The following SMU1 variants were observed in gnomAD, a reference collection of about 807,000 sequenced individuals.
SMU1 encodes SMU1 DNA replication regulator and spliceosomal factor.
SMU1 carries 2 observed loss-of-function variants against 62.0 expected under a neutral mutation model. The observed-to-expected ratio is 0.03, with a 90% CI of 0.01 to 0.10. The LOEUF is 0.10. Among genes scored for constraint, SMU1 ranks in the 10% least tolerant of loss-of-function variants. The pLI is 1.00. For missense variants in SMU1, 227 were observed against 622.1 expected, an observed-to-expected ratio of 0.36 and a Z score of 6.76; for synonymous variants, 188 against 212.4, an observed-to-expected ratio of 0.89 and a Z score of 1.00.
At chr9:33,064,274 A>G (rs891305373) in intron 4 of SMU1, among the ~76,000 whole-genome samples, 6 of 151,938 alleles carry the variant, frequency 3.9e-5, no homozygotes, top group Non-Finnish European at 1.5e-5. Flanking sequence ...GTTTCTTTTC[A>G]TCTTAAGTTC....
chr9:33,060,341 A>T, intron 6 of SMU1, 124 bp downstream of exon 6: 1 of 860,510 alleles, frequency 1.2e-6, no homozygotes, highest in Non-Finnish European at 1.8e-6. Flanking sequence ...TTTAATTACA[A>T]AAGTAATACA....
At chr9:33,048,728 A>G (rs1203123202) in intron 10 of SMU1, among the ~76,000 whole-genome samples, 2 of 152,206 alleles carry the variant, frequency 1.3e-5, no homozygotes, top group Non-Finnish European at 2.9e-5. Flanking sequence ...AGAGAAACCA[A>G]TCTGAAAAGG....
chr9:33,046,347 C>T lies in SMU1; in HGVS notation c.*946G>A, dbSNP rs1054910638. 12 of 152,216 alleles carry T rather than the reference C, an allele frequency of 7.9e-5. No homozygotes were observed. The highest frequency in any genetic ancestry group is 2.9e-4 in the African/African-American group (12 of 41,516). The allele number at this position is 152,216 out of a possible 1,614,324, so 9.4% of individuals were successfully genotyped here. On this transcript the variant is annotated 3_prime_UTR_variant, in exon 12 of 12. Coordinates refer to ENST00000397149, the MANE Select transcript of SMU1 (RefSeq NM_018225.3). ...AGTTGACTGAACATGTGAGAAGGCA[C>T]AGCTCAGAAGGAGAGGAAGGCTGAG...
At chr9:33,071,717 C>T in intron 3 of SMU1, 23 bp downstream of exon 3, 1 of 1,578,742 alleles carries the variant, frequency 6.3e-7, no homozygotes, top group Non-Finnish European at 8.6e-7. Flanking sequence ...ACAAAAAGTT[C>T]CTTTTCATTA....
intron 10 of SMU1, among the ~76,000 whole-genome samples, chr9:33,051,940 C>T (rs1244501877): frequency 6.6e-6 from 1 of 151,372 alleles, no homozygotes; most frequent in African/African-American, 2.4e-5. Flanking sequence ...TCGCTTGAAC[C>T]CGGCAGGCGG....
At chr9:33,064,221 C>T (rs1037202838) in intron 4 of SMU1, among the ~76,000 whole-genome samples, 2 of 152,088 alleles carry the variant, frequency 1.3e-5, no homozygotes, top group Non-Finnish European at 2.9e-5. Flanking sequence ...CTCAGCCTTC[C>T]AAGTAGCTGT....
At chr9:33,068,754 C>T in intron 4 of SMU1, 70 bp downstream of exon 4, 1 of 1,557,012 alleles carries the variant, frequency 6.4e-7, no homozygotes, top group Non-Finnish European at 8.7e-7. Flanking sequence ...ATTCTCCTGC[C>T]TCAGCCTCCC....
intron 4 of SMU1, 117 bp downstream of exon 4, chr9:33,068,707 G>T: frequency 8.5e-7 from 1 of 1,171,274 alleles, no homozygotes; most frequent in Non-Finnish European, 1.2e-6. Flanking sequence ...GTCTCACAAT[G>T]TTGCTTAGGC....
rs1490623483 is a variant in SMU1, at chr9:33,044,980, A to G, written c.*2313T>C. 1.3e-5 allele frequency: 2 copies of G among 152,166 alleles called. No homozygotes were observed. The highest frequency in any genetic ancestry group is 2.9e-5 in the Non-Finnish European group (2 of 68,032). 9.4% of individuals were successfully genotyped at this position (152,166 alleles called of 1,614,324 possible). ...CATCACAAAGGTAACTTGAGCTTTT[A>G]TCAGTTTTAATTACTCCTTTTAATT... is the stretch of plus-strand genomic sequence containing the variant. On this transcript the variant is annotated 3_prime_UTR_variant, in exon 12 of 12. Transcript: ENST00000397149.
chr9:33,062,176 G>C lies in SMU1; in HGVS notation c.503C>G (p.Ala168Gly). The C allele has an allele frequency of 1.9e-6, 3 of 1,607,888 alleles. No homozygotes were observed. Among genetic ancestry groups the C allele is most frequent in the Non-Finnish European group, 2.5e-6 (3 of 1,177,714 alleles). Residue 168 changes from alanine (A) to glycine (G), a missense_variant and splice_region_variant, in exon 5 of 12, where the codon GCA becomes GGA. Ala to Gly is a moderately conservative substitution (Grantham distance 60). This residue lies in a region of SMU1 where 99 missense variants were observed against 270.3 expected (regional missense o/e 0.37). Coordinates refer to ENST00000397149, the MANE Select transcript of SMU1 (RefSeq NM_018225.3). ...TCCCTGATGCTGCTGCCACTTCAGTGCCTATGAGGAAAAAAAAAAATATAG... is the reference window on the plus strand; with the variant it reads ...TCCCTGATGCTGCTGCCACTTCAGTCCCTATGAGGAAAAAAAAAAATATAG... ...PSRLMALLGQALKWQQHQGLL... is the reference protein window; with the variant it reads ...PSRLMALLGQGLKWQQHQGLL...
chr9:33,074,264 A>G (rs1279762749), intron 1 of SMU1, among the ~76,000 whole-genome samples: 4 of 152,158 alleles, frequency 2.6e-5, no homozygotes, highest in African/African-American at 9.7e-5. Flanking sequence ...AGGAGGTTTG[A>G]GACCAGATCA....
intron 9 of SMU1, 104 bp downstream of exon 9, chr9:33,056,009 G>C: frequency 1.7e-6 from 2 of 1,151,956 alleles, no homozygotes; most frequent in Non-Finnish European, 2.4e-6. Context: ...AGCCAGGAAA[G>C]AGGTTTACTA....
chr9:33,066,157 C>G (rs547544837), intron 4 of SMU1, among the ~76,000 whole-genome samples: 1 of 152,140 alleles, frequency 6.6e-6, no homozygotes, highest in East Asian at 1.9e-4. Context: ...CATACCATAG[C>G]AGAGAGCTCT....
intron 4 of SMU1, among the ~76,000 whole-genome samples, chr9:33,067,919 T>C (rs1373720358): frequency 1.3e-5 from 2 of 152,202 alleles, no homozygotes; most frequent in Non-Finnish European, 1.5e-5. Flanking sequence ...TAATCACTTG[T>C]GCCCTTTGTT....
intron 9 of SMU1, among the ~76,000 whole-genome samples, 192 bp downstream of exon 9, chr9:33,055,921 A>AT (rs1839298745): frequency 6.6e-6 from 1 of 152,190 alleles, no homozygotes; most frequent in African/African-American, 2.4e-5. Context: ...AAGGTTTGAG[A>AT]TTGGGGTCCC....
intron 4 of SMU1, 38 bp from the exon 5 acceptor site, chr9:33,062,215 TG>T (rs1284331751): frequency 6.3e-7 from 1 of 1,593,894 alleles, no homozygotes; most frequent in Non-Finnish European, 8.5e-7. Flanking sequence ...TCTGTTCAGG[TG>T]CTTTTAAGAT....
At chr9:33,059,377 C>T (rs1839337247) in intron 6 of SMU1, among the ~76,000 whole-genome samples, 1 of 130,986 alleles carries the variant, frequency 7.6e-6, no homozygotes, top group African/African-American at 3.1e-5. Context: ...AGGAGCAAAA[C>T]ACTACTTGAG....
chr9:33,067,496 CTTTT>C (rs1163444916), intron 4 of SMU1, among the ~76,000 whole-genome samples: 3 of 129,680 alleles, frequency 2.3e-5, no homozygotes, highest in Non-Finnish European at 3.3e-5. Context: ...AAGCAGCTTA[CTTTT>C]TTTTTTTTTT....
Position 33,056,984 on chromosome 9 carries a change from A to G in SMU1, c.868-20T>C. The G allele has an allele frequency of 6.3e-7, 1 of 1,589,938 alleles. No individual in the cohort carries two copies. The highest frequency in any genetic ancestry group is 8.5e-7 in the Non-Finnish European group (1 of 1,173,288). Reference sequence around the variant, plus strand: ...CCACACCTTTATTTGAAAAAAAAAAAAGAATTAAAAAAACCTTGTTAAGTG... The same window carrying G: ...CCACACCTTTATTTGAAAAAAAAAAGAGAATTAAAAAAACCTTGTTAAGTG... On this transcript the variant is annotated intron_variant, in intron 7 of 11. Transcript: ENST00000397149.
Sources: allele counts gnomAD v4.1 joint callset (sites outside exome capture counted in the v4.1 genomes callset), GRCh38; gene constraint gnomAD v4.1.1; regional missense constraint gnomAD v4.1.1; transcripts MANE v1.5; gene names NCBI Gene and HGNC (gene_info 2026-07-23, HGNC 2026-07-21).